Variants in GRB14 observed in about 807,000 individuals in gnomAD.
GRB14 encodes the protein growth factor receptor bound protein 14.
GRB14 carries 38 observed loss-of-function variants against 69.1 expected under a neutral mutation model. The observed-to-expected ratio is 0.55, with a 90% confidence interval of 0.42 to 0.72. The LOEUF (loss-of-function observed/expected upper bound fraction) is 0.72. Among genes scored for constraint, GRB14 ranks in the 30% least tolerant of loss-of-function variants. GRB14 has a pLI of 0.00. For missense variants in GRB14, 666 were observed against 666.1 expected (o/e 1.00, Z 0.00); for synonymous variants, 247 against 241.3 (o/e 1.02, Z -0.22).
intron 2 of GRB14, among the ~76,000 whole-genome samples, chr2:164,575,964 T>C (rs916560860): frequency 1.3e-5 from 2 of 152,120 alleles, no homozygotes; most frequent in Non-Finnish European, 2.9e-5. Context: ...AAACATTCAG[T>C]TGAATCATAA....
At chr2:164,512,369 G>T (rs1687361675) in intron 6 of GRB14, among the ~76,000 whole-genome samples, 1 of 152,134 alleles carries the variant, frequency 6.6e-6, no homozygotes, top group Admixed American at 6.5e-5. Context: ...GATTCACCAT[G>T]TTGGCCAGGC....
intron 3 of GRB14, among the ~76,000 whole-genome samples, chr2:164,534,221 C>T (rs567182490): frequency 6.6e-6 from 1 of 152,172 alleles, no homozygotes; most frequent in African/African-American, 2.4e-5. Context: ...ATATAATTTT[C>T]TTATTGTAGA....
chr2:164,585,545 A>C (rs1307232936), intron 2 of GRB14, among the ~76,000 whole-genome samples: 1 of 152,158 alleles, frequency 6.6e-6, no homozygotes, highest in East Asian at 1.9e-4. Flanking sequence ...CCATACTTGA[A>C]ATTTGCTAAG....
At chr2:164,595,463 T>C (rs1395040143) in intron 2 of GRB14, among the ~76,000 whole-genome samples, 3 of 152,146 alleles carry the variant, frequency 2.0e-5, no homozygotes, top group African/African-American at 4.8e-5. Context: ...GGAAATGCTA[T>C]CTAGGAAAAG....
intron 2 of GRB14, among the ~76,000 whole-genome samples, chr2:164,567,027 T>A (rs1688993134): frequency 6.6e-6 from 1 of 152,104 alleles, no homozygotes; most frequent in African/African-American, 2.4e-5. Flanking sequence ...TAAAGAAGAA[T>A]TCAAACATGA....
At chr2:164,501,477 T>A (rs1207483034) in intron 9 of GRB14, among the ~76,000 whole-genome samples, 1 of 152,098 alleles carries the variant, frequency 6.6e-6, no homozygotes, top group Non-Finnish European at 1.5e-5. Context: ...ATACCCTATC[T>A]TAAGGAGTGC....
chr2:164,613,434 C>T (rs1035111883), intron 2 of GRB14, among the ~76,000 whole-genome samples: 2 of 152,032 alleles, frequency 1.3e-5, no homozygotes, highest in African/African-American at 4.8e-5. Context: ...TGAATAGGAT[C>T]TGGACACACT....
At chr2:164,590,304 C>G (rs936368171) in intron 2 of GRB14, among the ~76,000 whole-genome samples, 9 of 152,012 alleles carry the variant, frequency 5.9e-5, no homozygotes, top group African/African-American at 2.2e-4. Flanking sequence ...AAAGCAGATA[C>G]TGTCAAGGAA....
chr2:164,527,840 G>A (rs1214147619), intron 3 of GRB14, among the ~76,000 whole-genome samples: 1 of 151,990 alleles, frequency 6.6e-6, no homozygotes, highest in South Asian at 2.1e-4. Flanking sequence ...GTTTTAAAGA[G>A]GTGACTATAA....
At chr2:164,561,043 G>C (rs899370590) in intron 2 of GRB14, among the ~76,000 whole-genome samples, 13 of 152,044 alleles carry the variant, frequency 8.6e-5, no homozygotes, top group Non-Finnish European at 4.4e-5. Flanking sequence ...AGCCATGAGA[G>C]CCAGCCCTAC....
intron 2 of GRB14, among the ~76,000 whole-genome samples, chr2:164,573,467 A>G (rs1439348226): frequency 6.6e-6 from 1 of 152,232 alleles, no homozygotes; most frequent in Non-Finnish European, 1.5e-5. Flanking sequence ...CACTAGTGTG[A>G]ACACTAAATC....
At chr2:164,578,241 A>AT (rs1189069206) in intron 2 of GRB14, among the ~76,000 whole-genome samples, 5 of 152,160 alleles carry the variant, frequency 3.3e-5, no homozygotes, top group Non-Finnish European at 5.9e-5. Flanking sequence ...TAAAAAAAAA[A>AT]GAAAAAAAGA....
At chr2:164,505,395 C>T (rs1687162482) in intron 8 of GRB14, among the ~76,000 whole-genome samples, 1 of 152,162 alleles carries the variant, frequency 6.6e-6, no homozygotes, top group Non-Finnish European at 1.5e-5. Context: ...TAATCTATAA[C>T]ATCTTACATT....
At chr2:164,558,740 C>A (rs1016743912) in intron 2 of GRB14, among the ~76,000 whole-genome samples, 11 of 152,102 alleles carry the variant, frequency 7.2e-5, no homozygotes, top group African/African-American at 2.7e-4. Context: ...CCAGAACAGC[C>A]ATAAGACATG....
At chr2:164,521,130 A>G (rs2105281801) in intron 6 of GRB14, among the ~76,000 whole-genome samples, 2 of 152,278 alleles carry the variant, frequency 1.3e-5, no homozygotes. Context: ...CAACGAGTGG[A>G]TAAAGAAATT....
At position 164,549,580 on chromosome 2, in the gene GRB14, T is replaced by C. The variant is rs374327572; in HGVS notation, c.325-1764A>G. Reference sequence around the variant, plus strand: ...AGCTATGTATCTCTTATCAATATTATAGCTGGGCACAGTGGCTCACATCTG... The same window carrying C: ...AGCTATGTATCTCTTATCAATATTACAGCTGGGCACAGTGGCTCACATCTG... On this transcript the variant is annotated intron_variant, in intron 2 of 13. Coordinates refer to ENST00000263915, the MANE Select transcript of GRB14 (RefSeq NM_004490.3). 3.9e-5 allele frequency among the ~76,000 whole-genome samples: 6 copies of C among 152,008 alleles called. No homozygotes were observed. The East Asian group carries it at 1.2e-3, about 29-fold the overall frequency.
intron 2 of GRB14, among the ~76,000 whole-genome samples, chr2:164,607,812 GAAAATGTGTT>G (rs953680133): frequency 1.3e-5 from 2 of 152,100 alleles, no homozygotes; most frequent in African/African-American, 4.8e-5. Flanking sequence ...AATACACTCG[GAAAATGTGTT>G]AATTTTATCA....
intron 9 of GRB14, among the ~76,000 whole-genome samples, chr2:164,499,647 T>TTTC (rs1686998956): frequency 6.6e-6 from 1 of 152,168 alleles, no homozygotes; most frequent in South Asian, 2.1e-4. Flanking sequence ...CATGACTTTC[T>TTTC]TTCTTTTTAA....
At chr2:164,497,131 T>G (rs1185085145) in intron 11 of GRB14, 36 bp from the exon 12 acceptor site, 2 of 1,603,320 alleles carry the variant, frequency 1.2e-6, no homozygotes, top group Admixed American at 3.3e-5. Flanking sequence ...AAAGCTTTGT[T>G]TGAGATGACT....
Sources: gnomAD v4.1 joint callset for allele counts (sites outside exome capture counted in the v4.1 genomes callset) on GRCh38, gnomAD v4.1.1 for gene constraint, MANE v1.5 for transcripts, NCBI Gene and HGNC (gene_info 2026-07-23, HGNC 2026-07-21) for gene names.